ARHGAP6: variants seen among roughly 807,000 people sequenced by gnomAD.
ARHGAP6 encodes Rho GTPase activating protein 6.
ARHGAP6 carries 16 observed loss-of-function variants against 55.7 expected under a neutral mutation model. The observed-to-expected ratio is 0.29, with a 90% CI of 0.19 to 0.44. ARHGAP6 has a LOEUF of 0.44. ARHGAP6 is among the 20% of genes least tolerant of loss of function. ARHGAP6 has a pLI of 1.00. For missense variants in ARHGAP6, 698 were observed against 808.9 expected, an observed-to-expected ratio of 0.86 and a Z score of 1.66; for synonymous variants, 382 against 360.9, an observed-to-expected ratio of 1.06 and a Z score of -0.66.
intron 1 of ARHGAP6, among the ~76,000 whole-genome samples, chrX:11,297,886 A>C (rs943082404): frequency 8.9e-6 from 1 of 112,560 alleles, no homozygotes; most frequent in African/African-American, 3.2e-5. Flanking sequence ...CAATGAAAAG[A>C]AGGAACTATG....
chrX:11,426,709 C>T (rs1230865727), intron 1 of ARHGAP6, among the ~76,000 whole-genome samples: 1 of 110,403 alleles, frequency 9.1e-6, no homozygotes, highest in African/African-American at 3.3e-5. Flanking sequence ...TCCTCAGAAA[C>T]AACTTTCCTT....
At chrX:11,378,898 G>T (rs1196336210) in intron 1 of ARHGAP6, among the ~76,000 whole-genome samples, 2 of 112,546 alleles carry the variant, frequency 1.8e-5, no homozygotes, top group Non-Finnish European at 3.8e-5. Flanking sequence ...ACTTTCTCGT[G>T]ATCCAACATG....
In ARHGAP6 at chrX:11,366,258, T is replaced by C. The variant is rs186739228; in HGVS notation, c.589-111551A>G. ...AAGTGGCATAATGGCAGTTATATAGTACTCATTAACTGGCAACTATGACAT... is the reference window on the plus strand; with the variant it reads ...AAGTGGCATAATGGCAGTTATATAGCACTCATTAACTGGCAACTATGACAT... On this transcript the variant is annotated intron_variant, in intron 1 of 12. Transcript: ENST00000337414. Among the ~76,000 whole-genome samples, 387 of 112,287 alleles carry C rather than the reference T, an allele frequency of 3.4e-3. 1 individual carries two copies. The highest frequency in any genetic ancestry group is 0.023 in the Middle Eastern group (5 of 218).
At chrX:11,201,989 C>CTGTGTGTGTGTGTGTGTGTGTG (rs56023548) in intron 2 of ARHGAP6, among the ~76,000 whole-genome samples, 9 of 65,543 alleles carry the variant, frequency 1.4e-4, no homozygotes, top group East Asian at 6.3e-4. Flanking sequence ...GCATCTGGAT[C>CTGTGTGTGTGTGTGTGTGTGTG]TGTGTGTGTG....
chrX:11,197,570 T>C, intron 2 of ARHGAP6, among the ~76,000 whole-genome samples: 1 of 112,203 alleles, frequency 8.9e-6, no homozygotes, highest in East Asian at 2.8e-4. Flanking sequence ...ATAAAGCTCT[T>C]CATAGGGAGT....
At chrX:11,219,212 T>A (rs1359681361) in intron 2 of ARHGAP6, among the ~76,000 whole-genome samples, 8 of 103,690 alleles carry the variant, frequency 7.7e-5, no homozygotes, top group Non-Finnish European at 4.0e-5. Context: ...ACAAAGGACA[T>A]GAACTCATCA....
intron 1 of ARHGAP6, among the ~76,000 whole-genome samples, chrX:11,638,725 A>G (rs936319700): frequency 9.0e-6 from 1 of 111,727 alleles, no homozygotes; most frequent in Non-Finnish European, 1.9e-5. Flanking sequence ...GCCCAAGACT[A>G]TTAAATACAA....
At chrX:11,228,276 C>T (rs2047082800) in intron 2 of ARHGAP6, among the ~76,000 whole-genome samples, 1 of 112,143 alleles carries the variant, frequency 8.9e-6, no homozygotes, top group African/African-American at 3.2e-5. Flanking sequence ...TTTATTCAAG[C>T]AAACTACATG....
At chrX:11,519,342 T>C (rs1603240091) in intron 1 of ARHGAP6, among the ~76,000 whole-genome samples, 1 of 110,347 alleles carries the variant, frequency 9.1e-6, no homozygotes, top group South Asian at 3.9e-4. Context: ...TGGTGTGAGA[T>C]GATATCTCAT....
intron 1 of ARHGAP6, among the ~76,000 whole-genome samples, chrX:11,646,366 G>A (rs1438141068): frequency 9.0e-6 from 1 of 111,490 alleles, no homozygotes; most frequent in Non-Finnish European, 1.9e-5. Context: ...CATGCCCGGT[G>A]GAACAGAGAG....
chrX:11,570,295 A>G (rs1332650090), intron 1 of ARHGAP6, among the ~76,000 whole-genome samples: 5 of 112,099 alleles, frequency 4.5e-5, no homozygotes, highest in Admixed American at 2.8e-4. Flanking sequence ...TGCATGTTAA[A>G]AATGAGATCA....
chrX:11,540,244 ACT>A (rs1196918982), intron 1 of ARHGAP6, among the ~76,000 whole-genome samples: 1 of 104,347 alleles, frequency 9.6e-6, no homozygotes, highest in Non-Finnish European at 2.0e-5. Flanking sequence ...ACAGAGCAAG[ACT>A]CTGTCAAAAA....
chrX:11,433,376 A>G (rs2049958808), intron 1 of ARHGAP6, among the ~76,000 whole-genome samples: 1 of 111,809 alleles, frequency 8.9e-6, no homozygotes, highest in South Asian at 3.8e-4. Context: ...TGCCGTTTTG[A>G]TATTTTCACT....
intron 1 of ARHGAP6, among the ~76,000 whole-genome samples, chrX:11,328,549 G>GACC (rs1258150510): frequency 1.8e-5 from 2 of 112,057 alleles, no homozygotes; most frequent in Non-Finnish European, 3.8e-5. Flanking sequence ...TTCAGTGCCT[G>GACC]ACCACCACCA....
intron 1 of ARHGAP6, among the ~76,000 whole-genome samples, chrX:11,270,327 G>A (rs2047676658): frequency 8.9e-6 from 1 of 111,810 alleles, no homozygotes; most frequent in African/African-American, 3.2e-5. Flanking sequence ...AGGCCTCTCT[G>A]CAACTGGGAG....
Position 11,188,924 on chromosome X carries a change from T to C in ARHGAP6, c.881A>G (p.Tyr294Cys). The change falls in exon 4 of 13, where the codon TAT (tyrosine) becomes TGT (cysteine). Residue 294 changes from tyrosine (Y) to cysteine (C), a missense_variant. By Grantham distance (194) the Tyr-to-Cys change is radical (BLOSUM62 -2). Coordinates refer to ENST00000337414, the MANE Select transcript of ARHGAP6 (RefSeq NM_013427.3). ...LSQVIANDRA[Y>C]KLKQDLQRDE... ...CCTCTGCAAGTCCTGCTTGAGTTTA[T>C]AGGCCCTGTCATTCGCAATGACTTG... 8.3e-7 allele frequency: 1 copy of C among 1,211,645 alleles called. No homozygotes were observed. Among genetic ancestry groups the C allele is most frequent in the East Asian group, 3.0e-5 (1 of 33,821 alleles).
chrX:11,528,528 A>G (rs1214889018), intron 1 of ARHGAP6, among the ~76,000 whole-genome samples: 2 of 112,287 alleles, frequency 1.8e-5, no homozygotes, highest in African/African-American at 6.5e-5. Flanking sequence ...AGGGTTTCCA[A>G]ATGCAGGAAA....
At chrX:11,654,806 C>T (rs1417713886) in intron 1 of ARHGAP6, among the ~76,000 whole-genome samples, 2 of 111,850 alleles carry the variant, frequency 1.8e-5, no homozygotes, top group African/African-American at 6.5e-5. Context: ...GACTATATAA[C>T]TACTCTTCTA....
At position 11,196,996 on chromosome X, in the gene ARHGAP6, T is replaced by A. The variant is rs1178239097; in HGVS notation, c.749A>T (p.Asp250Val). Reference sequence around the variant, plus strand: ...TAAAGATTTCTTTCTCTTTTGTCCATCTGTAAATATTAAAAGGAGAAGTTA... The same window carrying A: ...TAAAGATTTCTTTCTCTTTTGTCCAACTGTAAATATTAAAAGGAGAAGTTA... ...DLSCQITIPK[D>V]GQKRKKSLRK... The change falls in exon 3 of 13, where the codon GAT (aspartate) becomes GTT (valine). Residue 250 changes from aspartate to valine, a missense_variant and splice_region_variant. Transcript: ENST00000337414. 2 of 942,232 alleles carry A rather than the reference T, an allele frequency of 2.1e-6. No homozygotes were observed. The highest frequency in any genetic ancestry group is 3.1e-6 in the Non-Finnish European group (2 of 655,019). The allele number at this position is 942,232 out of a possible 1,213,427, so 77.7% of individuals were successfully genotyped here.
Sources: gnomAD v4.1 joint callset for allele counts (sites outside exome capture counted in the v4.1 genomes callset) on GRCh38, gnomAD v4.1.1 for gene constraint, MANE v1.5 for transcripts, NCBI Gene and HGNC (gene_info 2026-07-23, HGNC 2026-07-21) for gene names.